Variants in MYBBP1A observed in about 807,000 individuals in gnomAD.
MYBBP1A encodes myb-binding protein 1A.
A neutral mutation model predicts 136.3 loss-of-function variants in MYBBP1A; 147 were observed. The ratio of observed to expected loss-of-function variants is 1.08; its 90% confidence interval spans 0.94 to 1.24. The LOEUF is 1.24. MYBBP1A is among the 50% of genes most tolerant of loss of function. The pLI, the probability that MYBBP1A is intolerant of heterozygous loss-of-function variation, is 0.00. For synonymous variants in MYBBP1A, 947 were observed against 735.8 expected, an observed-to-expected ratio of 1.29 and a Z score of -4.65; for missense variants, 2,060 against 1,727.4, an observed-to-expected ratio of 1.19 and a Z score of -3.41.
At chr17:4,543,695 C>T (rs565879114) in intron 19 of MYBBP1A, among the ~76,000 whole-genome samples, 29 of 152,210 alleles carry the variant, frequency 1.9e-4, no homozygotes, top group Non-Finnish European at 7.4e-5. Flanking sequence ...TGACTATCCA[C>T]GCAGCGCCCC....
chr17:4,555,300 G>A lies in MYBBP1A; in HGVS notation c.25C>T (p.Pro9Ser), dbSNP rs776445931. ...TGCGTCGCTTCTCCAGGCGACATCGGCTGGGCGGGATCCCGGCTCTCCATC... is the reference window on the plus strand; with the variant it reads ...TGCGTCGCTTCTCCAGGCGACATCGACTGGGCGGGATCCCGGCTCTCCATC... The part of the protein sequence containing the change: MESRDPAQ[P>S]MSPGEATQSG... Residue 9 changes from proline to serine, a missense_variant, in exon 1 of 26, where the codon CCG becomes TCG. Coordinates refer to ENST00000254718, the MANE Select transcript of MYBBP1A (RefSeq NM_014520.4). The A allele has an allele frequency of 5.0e-6, 8 of 1,605,554 alleles. No individual in the cohort carries two copies. The Admixed American group carries it at 8.5e-5, about 17-fold the overall frequency.
chr17:4,546,696 C>G (rs188631740), intron 13 of MYBBP1A, among the ~76,000 whole-genome samples: 3 of 152,202 alleles, frequency 2.0e-5, no homozygotes, highest in African/African-American at 7.2e-5. Flanking sequence ...ACCCCAGACT[C>G]GAGTGAGGTG....
chr17:4,549,362 A>G lies in MYBBP1A; in HGVS notation c.1400T>C (p.Met467Thr). Residue 467 changes from methionine (M) to threonine (T), a missense_variant, in exon 10 of 26, where the codon ATG becomes ACG. Transcript: ENST00000254718. ...VSIVDSLHLE[M>T]EEALTEQVAR... ...CACCTGCTCAGTCAAGGCCTCCTCC[A>G]TCTCCAGGTGCAGGCTGTCCACAAT... The G allele has an allele frequency of 6.2e-7, 1 of 1,612,854 alleles. No homozygotes were observed. Among genetic ancestry groups the G allele is most frequent in the Non-Finnish European group, 8.5e-7 (1 of 1,179,954 alleles).
intron 13 of MYBBP1A, among the ~76,000 whole-genome samples, chr17:4,546,889 C>T (rs1455998385): frequency 6.6e-6 from 1 of 151,716 alleles, no homozygotes; most frequent in Non-Finnish European, 1.5e-5. Context: ...CCAAGCAGGT[C>T]CCCGTCCTCC....
Position 4,540,445 on chromosome 17 carries a change from G to T in MYBBP1A, c.3337C>A (p.Gln1113Lys). The change falls in exon 25 of 26, where the codon CAG becomes AAG. Residue 1113 changes from glutamine (Q) to lysine (K), a missense_variant. By Grantham distance (53) the Gln-to-Lys change is moderately conservative (BLOSUM62 1). Coordinates refer to ENST00000254718, the MANE Select transcript of MYBBP1A (RefSeq NM_014520.4). ...TGCTGTAGGCTCTGCTGTTGCCCCT[G>T]CAGCACACCCAGGAGCACCGTCAGG... is the stretch of plus-strand genomic sequence containing the variant. ...LDLTVLLGVL[Q>K]GQQQSLQQGA... The T allele has an allele frequency of 6.2e-7, 1 of 1,611,062 alleles. No homozygotes were observed. Among genetic ancestry groups the T allele is most frequent in the Non-Finnish European group, 8.5e-7 (1 of 1,179,668 alleles).
intron 25 of MYBBP1A, 55 bp downstream of exon 25, chr17:4,540,293 C>G: frequency 6.5e-7 from 1 of 1,548,292 alleles, no homozygotes; most frequent in South Asian, 1.2e-5. Flanking sequence ...TGTGCAGCAG[C>G]GTGAGGGTGT....
chr17:4,555,033 C>A (rs1907904325), intron 1 of MYBBP1A, 77 bp from the exon 2 acceptor site: 8 of 1,590,732 alleles, frequency 5.0e-6, no homozygotes, highest in Non-Finnish European at 6.9e-6. Flanking sequence ...CATCCAGGTT[C>A]GCGACCACGT....
chr17:4,541,484 G>C lies in MYBBP1A; in HGVS notation c.3276C>G (p.Leu1092=). 1 of 1,613,518 alleles carries C rather than the reference G, an allele frequency of 6.2e-7. No individual in the cohort carries two copies. Among genetic ancestry groups the C allele is most frequent in the Non-Finnish European group, 8.5e-7 (1 of 1,180,022 alleles). The change falls in exon 24 of 26, where the codon CTC becomes CTG. Residue 1092 remains leucine, a synonymous_variant. Transcript: ENST00000254718. ...TCACCTCATGTTTGCAGGTCCTGAA[G>C]AGAACGTTGAGCAGCTCCAGGGAGG... ...ALSSLELLNV[L]FRTCKHEKLT... is the part of the protein sequence containing the mutation.
Position 4,553,799 on chromosome 17 carries a change from G to A in MYBBP1A, c.561+11C>T, listed in dbSNP as rs781639332. 1.2e-5 allele frequency: 20 copies of A among 1,612,082 alleles called. No individual in the cohort carries two copies. In the South Asian group the frequency reaches 2.2e-4, roughly 18 times the overall value. On this transcript the variant is annotated intron_variant, in intron 5 of 25. Coordinates refer to ENST00000254718, the MANE Select transcript of MYBBP1A (RefSeq NM_014520.4). Reference sequence around the variant, plus strand: ...GTGTTGCCTGGGCCCGCACAGCTGGGGAGCTCATACCTCGGAGAGGATGTC... The same window carrying A: ...GTGTTGCCTGGGCCCGCACAGCTGGAGAGCTCATACCTCGGAGAGGATGTC...
chr17:4,552,533 G>A lies in MYBBP1A; in HGVS notation c.655C>T (p.Leu219Phe), dbSNP rs1567613929. The change falls in exon 6 of 26, where the codon CTC (leucine) becomes TTC (phenylalanine). Residue 219 changes from leucine to phenylalanine, a missense_variant. Coordinates refer to ENST00000254718, the MANE Select transcript of MYBBP1A (RefSeq NM_014520.4). This position sits in a 1 kb window ranked among gnomAD's most constrained non-coding sequence, Gnocchi z 4.7. ...GAGGGCACCTTCTGCTGGGCCAGGA[G>A]GAAGAGCTCTAGCTGTTCAGGGGAG... Reference protein sequence around the residue: ...LSSPEQLELFLLAQQKVPSKL... With the variant: ...LSSPEQLELFFLAQQKVPSKL... 1.2e-6 allele frequency: 2 copies of A among 1,614,070 alleles called. No homozygotes were observed. Among genetic ancestry groups the A allele is most frequent in the Non-Finnish European group, 1.7e-6 (2 of 1,180,046 alleles).
rs897647469 is a variant in MYBBP1A, at chr17:4,548,953, G to C, written c.1431-304C>G. ...GGCTGTGTGGTCATGGCCAAGTCAG[G>C]TCACTGCTCCTGCGAACATGGGACA... On this transcript the variant is annotated intron_variant, in intron 10 of 25. Coordinates refer to ENST00000254718, the MANE Select transcript of MYBBP1A (RefSeq NM_014520.4). This position sits in a 1 kb window ranked among gnomAD's most constrained non-coding sequence, Gnocchi z 4.2. 3.4e-4 allele frequency among the ~76,000 whole-genome samples: 52 copies of C among 152,372 alleles called. No homozygotes were observed. Among genetic ancestry groups the C allele is most frequent in the African/African-American group, 1.2e-3 (51 of 41,590 alleles).
chr17:4,541,089 T>C (rs907242270), intron 24 of MYBBP1A, among the ~76,000 whole-genome samples: 2 of 152,222 alleles, frequency 1.3e-5, no homozygotes, highest in Non-Finnish European at 2.9e-5. Context: ...CCTGCCCTGA[T>C]GGCTGCCCAC....
intron 8 of MYBBP1A, among the ~76,000 whole-genome samples, chr17:4,551,263 C>CAATT (rs1907477507): frequency 6.6e-6 from 1 of 152,252 alleles, no homozygotes; most frequent in East Asian, 1.9e-4. Context: ...GCAGCACTTA[C>CAATT]TGGGCACCAG....
chr17:4,544,955 T>G, intron 17 of MYBBP1A, 34 bp from the exon 18 acceptor site: 16 of 1,575,488 alleles, frequency 1.0e-5, no homozygotes, highest in Non-Finnish European at 1.4e-5. Flanking sequence ...CAGCCAGGCC[T>G]CGGGCAGGCA....
chr17:4,551,611 A>AG (rs1907507559), intron 8 of MYBBP1A, among the ~76,000 whole-genome samples: 1 of 152,216 alleles, frequency 6.6e-6, no homozygotes, highest in Admixed American at 6.5e-5. Flanking sequence ...CAGGAGGCTG[A>AG]GGCAGGAGAA....
At chr17:4,549,570 A>C in intron 9 of MYBBP1A, 128 bp from the exon 10 acceptor site, 1 of 717,688 alleles carries the variant, frequency 1.4e-6, no homozygotes, top group South Asian at 1.7e-5. Context: ...CGAGGTCAGG[A>C]GTTCGAGACC....
chr17:4,540,515 G>T, intron 24 of MYBBP1A, 31 bp from the exon 25 acceptor site: 1 of 1,579,002 alleles, frequency 6.3e-7, no homozygotes. Context: ...GAGCTGTGGG[G>T]CCACAGAGGG....
At chr17:4,540,262 CGTGTGTGCAGCGTGTGT>C (rs1433616950) in intron 25 of MYBBP1A, 69 bp downstream of exon 25, 65 of 1,474,594 alleles carry the variant, frequency 4.4e-5, no homozygotes, top group Admixed American at 6.3e-5. Context: ...TGTGCAGCAG[CGTGTGTGCAGCGTGTGT>C]GTGTGTGCAG....
chr17:4,554,797 G>A (rs1429156903), intron 2 of MYBBP1A, 64 bp downstream of exon 2: 14 of 1,497,556 alleles, frequency 9.3e-6, no homozygotes, highest in African/African-American at 5.5e-5. Flanking sequence ...CACCACACCC[G>A]CCCTCCTCAT....
Sources: gnomAD v4.1 joint callset for allele counts (sites outside exome capture counted in the v4.1 genomes callset) on GRCh38, gnomAD v4.1.1 for gene constraint, Gnocchi (gnomAD v3.1) non-coding constraint, MANE v1.5 for transcripts, NCBI Gene and HGNC (gene_info 2026-07-23, HGNC 2026-07-21) for gene names.